Variants in ROCK2 observed in about 807,000 individuals in gnomAD.
ROCK2 encodes Rho associated coiled-coil containing protein kinase 2, also known as rho-associated protein kinase 2.
In ROCK2, 61 loss-of-function variants were observed where a neutral mutation model predicts 195.1. The observed-to-expected ratio is 0.31, with a 90% CI of 0.25 to 0.39. The LOEUF (loss-of-function observed/expected upper bound fraction) is 0.39, where lower values mean the gene tolerates loss of function less well. ROCK2 is among the 10% of genes least tolerant of loss of function. The probability of loss-of-function intolerance (pLI) is 1.00; values close to 1 mark genes in which losing one functional copy is unlikely to be tolerated. For synonymous variants in ROCK2, 504 were observed against 545.5 expected (o/e 0.92, Z 1.06); for missense variants, 1,109 against 1,637.4 (o/e 0.68, Z 5.57).
intron 4 of ROCK2, among the ~76,000 whole-genome samples, chr2:11,236,321 T>C (rs956003302): frequency 5.3e-5 from 8 of 151,970 alleles, no homozygotes; most frequent in African/African-American, 1.5e-4. Context: ...AAAACAGCTT[T>C]CTGAACAAAC....
rs777045688 is a variant in ROCK2 at position 11,201,535 on chromosome 2, C to T, written c.2620-122G>A. On this transcript the variant is annotated intron_variant, in intron 21 of 32. Coordinates refer to ENST00000315872, the MANE Select transcript of ROCK2 (RefSeq NM_004850.5). This position sits in a 1 kb window ranked among gnomAD's most constrained non-coding sequence, Gnocchi z 4.6. ...AAATATTTTCTTACTGCTAAGTCCC[C>T]GAGCAAATGAATAGTTTAATGAACT... is the stretch of plus-strand genomic sequence containing the variant. 2.9e-5 allele frequency: 18 copies of T among 625,254 alleles called. No homozygotes were observed. The highest frequency in any genetic ancestry group is 4.2e-5 in the Non-Finnish European group (15 of 353,026). The allele number at this position is 625,254 out of a possible 1,614,324, so 38.7% of individuals were successfully genotyped here.
intron 1 of ROCK2, among the ~76,000 whole-genome samples, chr2:11,306,893 G>A (rs1667875315): frequency 1.3e-5 from 2 of 152,066 alleles, no homozygotes; most frequent in Non-Finnish European, 1.5e-5. Context: ...CTGACAGAGA[G>A]GAATTAACTA....
At chr2:11,298,702 T>C (rs1283502524) in intron 1 of ROCK2, among the ~76,000 whole-genome samples, 2 of 152,132 alleles carry the variant, frequency 1.3e-5, no homozygotes, top group Admixed American at 6.5e-5. Context: ...GTGTTCAAAG[T>C]GCTGGGAGGG....
rs35159426 is a variant in ROCK2 at position 11,219,336 on chromosome 2, C to CAA, written c.1260-312_1260-311dup. Among the ~76,000 whole-genome samples, 608 of 67,312 alleles carry CAA rather than the reference C, an allele frequency of 9.0e-3. 25 individuals carry two copies. The highest frequency in any genetic ancestry group is 0.048 in the East Asian group (107 of 2,212). The allele number at this position is 67,312 out of a possible 152,430, so 44.2% of individuals were successfully genotyped here. On this transcript the variant is annotated intron_variant, in intron 9 of 32. Transcript: ENST00000315872. ...TCAACATGGTGAAACCTTATCTCTACAAAAAAAAAAAAAAAAAAAAAAAAA... is the reference window on the plus strand; with the variant it reads ...TCAACATGGTGAAACCTTATCTCTACAAAAAAAAAAAAAAAAAAAAAAAAAAA...
At chr2:11,225,030 C>T (rs1664765402) in intron 6 of ROCK2, among the ~76,000 whole-genome samples, 2 of 152,148 alleles carry the variant, frequency 1.3e-5, no homozygotes. Context: ...TCATGATAGG[C>T]CAGACAGGGC....
chr2:11,214,735 T>C (rs964925417), intron 16 of ROCK2, 105 bp downstream of exon 16: 11 of 1,016,718 alleles, frequency 1.1e-5, no homozygotes, highest in East Asian at 2.6e-5. Flanking sequence ...CTTTACATAA[T>C]AGTATATTCA....
intron 1 of ROCK2, among the ~76,000 whole-genome samples, chr2:11,329,157 A>G (rs1486022207): frequency 6.6e-6 from 1 of 151,996 alleles, no homozygotes; most frequent in Non-Finnish European, 1.5e-5. Flanking sequence ...TTTTTTGCCC[A>G]TCTTCACTAC....
At chr2:11,205,613 T>TA (rs1553298272) in intron 20 of ROCK2, among the ~76,000 whole-genome samples, 1 of 151,522 alleles carries the variant, frequency 6.6e-6, no homozygotes, top group African/African-American at 2.4e-5. Context: ...TTTTTTTTTT[T>TA]ACCTTCTATT....
chr2:11,320,301 T>G (rs998640049), intron 1 of ROCK2, among the ~76,000 whole-genome samples: 4 of 152,210 alleles, frequency 2.6e-5, no homozygotes, highest in African/African-American at 9.7e-5. Flanking sequence ...AAATAATAGC[T>G]ATTTGGGCCA....
At chr2:11,328,747 A>G (rs965941559) in intron 1 of ROCK2, among the ~76,000 whole-genome samples, 6 of 152,168 alleles carry the variant, frequency 3.9e-5, no homozygotes, top group Non-Finnish European at 8.8e-5. Context: ...ATAAAAAATG[A>G]TGAGCTCATG....
At chr2:11,306,691 G>C (rs1349010393) in intron 1 of ROCK2, among the ~76,000 whole-genome samples, 1 of 152,204 alleles carries the variant, frequency 6.6e-6, no homozygotes. Context: ...CTGTTAACTT[G>C]ATAGCTCCGG....
At chr2:11,228,323 C>T (rs1664883665) in intron 5 of ROCK2, among the ~76,000 whole-genome samples, 1 of 152,160 alleles carries the variant, frequency 6.6e-6, no homozygotes, top group South Asian at 2.1e-4. Context: ...AGGTTGAACA[C>T]ATTTTGTAAA....
At chr2:11,229,134 T>G (rs1298500450) in intron 5 of ROCK2, among the ~76,000 whole-genome samples, 2 of 152,124 alleles carry the variant, frequency 1.3e-5, no homozygotes, top group East Asian at 3.9e-4. Flanking sequence ...TATAAACTAT[T>G]ATATTCTATA....
chr2:11,194,787 A>T (rs1663565717), intron 28 of ROCK2, among the ~76,000 whole-genome samples, 168 bp downstream of exon 28: 2 of 151,718 alleles, frequency 1.3e-5, no homozygotes, highest in Admixed American at 1.3e-4. Context: ...GAGGACAAAA[A>T]TTTTTTACAA....
chr2:11,224,121 C>T (rs971775221), intron 7 of ROCK2, among the ~76,000 whole-genome samples: 2 of 152,070 alleles, frequency 1.3e-5, no homozygotes, highest in Non-Finnish European at 2.9e-5. Flanking sequence ...GGTTAGAGTT[C>T]GATTACAACT....
chr2:11,209,764 C>A (rs994107234), intron 18 of ROCK2, among the ~76,000 whole-genome samples: 1 of 152,112 alleles, frequency 6.6e-6, no homozygotes, highest in Non-Finnish European at 1.5e-5. Flanking sequence ...TAATTATCAT[C>A]TATTATAAAG....
chr2:11,219,598 C>T lies in ROCK2; in HGVS notation c.1260-572G>A, dbSNP rs562150680. ...AACTAGTCTTTAATTTTGTTTGCAC[C>T]AGACTCACTAAATGAAACTATACTT... is the stretch of plus-strand genomic sequence containing the variant. On this transcript the variant is annotated intron_variant, in intron 9 of 32. Transcript: ENST00000315872. 2.0e-5 allele frequency among the ~76,000 whole-genome samples: 3 copies of T among 152,126 alleles called. No homozygotes were observed. The South Asian group carries it at 6.2e-4, about 32-fold the overall frequency.
intron 3 of ROCK2, among the ~76,000 whole-genome samples, chr2:11,267,520 C>A (rs1197842541): frequency 2.0e-5 from 3 of 150,558 alleles, no homozygotes; most frequent in East Asian, 2.0e-4. Context: ...AAAAAAAAAA[C>A]CAAAAACCAA....
At chr2:11,265,338 C>T (rs1488829514) in intron 3 of ROCK2, among the ~76,000 whole-genome samples, 1 of 152,158 alleles carries the variant, frequency 6.6e-6, no homozygotes, top group Non-Finnish European at 1.5e-5. Context: ...AATTCTAACA[C>T]TACAGGTGAA....
Sources: allele counts gnomAD v4.1 joint callset (sites outside exome capture counted in the v4.1 genomes callset), GRCh38; gene constraint gnomAD v4.1.1; non-coding constraint Gnocchi (gnomAD v3.1); transcripts MANE v1.5; gene names NCBI Gene and HGNC (gene_info 2026-07-23, HGNC 2026-07-21).